Variants in RIMS2 observed in about 807,000 individuals in gnomAD.
RIMS2 encodes the protein regulating synaptic membrane exocytosis protein 2.
Under a neutral mutation model 174.4 loss-of-function variants are expected in RIMS2, and 59 were observed. The ratio of observed to expected loss-of-function variants is 0.34; its 90% CI spans 0.27 to 0.42. RIMS2 has a LOEUF of 0.42. Ranked by LOEUF, RIMS2 falls within the 10% of genes least tolerant of loss-of-function variation. RIMS2 has a pLI of 1.00. For missense variants in RIMS2, 1,620 were observed against 1,666.3 expected (o/e 0.97, Z 0.48); for synonymous variants, 606 against 572.5 (o/e 1.06, Z -0.84).
intron 5 of RIMS2, 22 bp from the exon 9 acceptor site, chr8:103,912,031 G>A (rs978475626): frequency 4.6e-6 from 7 of 1,510,910 alleles, no homozygotes; most frequent in Non-Finnish European, 6.3e-6. Flanking sequence ...TATTTATTTT[G>A]TTTGTTGATG....
intron 6 of RIMS2, among the ~76,000 whole-genome samples, chr8:103,913,285 T>G (rs1228137113): frequency 6.6e-6 from 1 of 151,598 alleles, no homozygotes; most frequent in African/African-American, 2.4e-5. Flanking sequence ...GCCCAAAAAA[T>G]TTTAAATTAG....
chr8:103,826,697 T>C (rs2098793032), intron 3 of RIMS2, among the ~76,000 whole-genome samples: 1 of 149,256 alleles, frequency 6.7e-6, no homozygotes, highest in Admixed American at 6.7e-5. Context: ...AATATATATA[T>C]ATGTATATAT....
intron 3 of RIMS2, among the ~76,000 whole-genome samples, chr8:103,803,929 G>A (rs1049334891): frequency 2.0e-5 from 3 of 152,104 alleles, no homozygotes; most frequent in South Asian, 2.1e-4. Flanking sequence ...AGAAATAAAC[G>A]TGGTCCAGTG....
chr8:103,607,291 G>A (rs1432848706), intron 1 of RIMS2, among the ~76,000 whole-genome samples: 1 of 152,080 alleles, frequency 6.6e-6, no homozygotes, highest in Non-Finnish European at 1.5e-5. Flanking sequence ...GAAATTCTGG[G>A]ATGAAAATTC....
At chr8:103,954,869 G>A (rs961378066) in intron 14 of RIMS2, among the ~76,000 whole-genome samples, 1 of 151,904 alleles carries the variant, frequency 6.6e-6, no homozygotes, top group African/African-American at 2.4e-5. Context: ...TAATAAACAA[G>A]AAAATAGAGA....
Position 103,697,280 on chromosome 8 carries a change from C to A in RIMS2, c.371C>A (p.Ser124Ter). Residue 124 changes from serine (S) to a stop codon, truncating the protein, a stop_gained, in exon 2 of 24, where the codon TCA (serine) becomes TAA (stop). Coordinates refer to ENST00000504942, the Ensembl canonical transcript of RIMS2. LOFTEE classifies it high-confidence loss of function. ...TGTGCTCGTTGTGGAGGTCGAGTGTCATTACGCTCAAACAAGGTACAGAAA... is the reference window on the plus strand; with the variant it reads ...TGTGCTCGTTGTGGAGGTCGAGTGTAATTACGCTCAAACAAGGTACAGAAA... The A allele has an allele frequency of 6.2e-7, 1 of 1,612,672 alleles. No individual in the cohort carries two copies. Among genetic ancestry groups the A allele is most frequent in the South Asian group, 1.1e-5 (1 of 91,026 alleles).
chr8:103,572,133 G>T (rs957345052), intron 1 of RIMS2, among the ~76,000 whole-genome samples: 2 of 152,092 alleles, frequency 1.3e-5, no homozygotes, highest in Non-Finnish European at 2.9e-5. Flanking sequence ...CCTTCCAGTG[G>T]GTTCATGGTC....
intron 19 of RIMS2, among the ~76,000 whole-genome samples, chr8:104,076,575 TAATAGAGATATATGGA>T (rs2097296685): frequency 1.3e-5 from 2 of 152,160 alleles, no homozygotes; most frequent in Non-Finnish European, 2.9e-5. Flanking sequence ...TTGTTTACAG[TAATAGAGATATATGGA>T]CAGTTTGATA....
At chr8:104,100,013 G>C (rs1213928362) in intron 19 of RIMS2, among the ~76,000 whole-genome samples, 6 of 151,742 alleles carry the variant, frequency 4.0e-5, no homozygotes, top group Admixed American at 2.0e-4. Context: ...TAGCGACGGG[G>C]TTTGGCCATG....
chr8:103,523,270 T>G (rs563960638), intron 1 of RIMS2, among the ~76,000 whole-genome samples: 3 of 152,270 alleles, frequency 2.0e-5, no homozygotes, highest in African/African-American at 7.2e-5. Context: ...TGCAGATTCA[T>G]CATTTGATTT....
chr8:104,207,693 A>T (rs1025241570), intron 19 of RIMS2, among the ~76,000 whole-genome samples: 1 of 151,830 alleles, frequency 6.6e-6, no homozygotes, highest in Non-Finnish European at 1.5e-5. Context: ...GGCATCTGTA[A>T]CCCCAGCTAC....
At chr8:103,850,948 A>G (rs2098994483) in intron 3 of RIMS2, among the ~76,000 whole-genome samples, 2 of 152,058 alleles carry the variant, frequency 1.3e-5, no homozygotes, top group African/African-American at 4.8e-5. Context: ...GAGTGGGGAG[A>G]GCTTTTTATA....
chr8:103,904,466 G>A (rs912463413), intron 4 of RIMS2, among the ~76,000 whole-genome samples: 14 of 152,038 alleles, frequency 9.2e-5, no homozygotes, highest in Admixed American at 2.0e-4. Flanking sequence ...TTCTATGTTA[G>A]TTTGAGCCAG....
chr8:103,987,480 A>G (rs1283984416), intron 16 of RIMS2, among the ~76,000 whole-genome samples: 1 of 152,214 alleles, frequency 6.6e-6, no homozygotes, highest in Non-Finnish European at 1.5e-5. Flanking sequence ...ATACTAAACT[A>G]GAAGAGAACC....
intron 20 of RIMS2, among the ~76,000 whole-genome samples, chr8:104,245,920 T>C (rs1195966261): frequency 2.6e-5 from 4 of 152,204 alleles, no homozygotes; most frequent in East Asian, 1.9e-4. Context: ...GGGATACTTA[T>C]AGAAACAAAC....
Position 104,036,809 on chromosome 8 carries a change from G to A in RIMS2, c.3334+22194G>A, listed in dbSNP as rs773106756. On this transcript the variant is annotated intron_variant, in intron 19 of 23. Transcript: ENST00000504942. The stretch of plus-strand genomic sequence containing the variant: ...GGAGAATCGCTTGAACCCGGGAGGC[G>A]GAGCTTGCAGTGAGCCAAGATCGTG... Among the ~76,000 whole-genome samples the A allele has an allele frequency of 4.6e-5, 7 of 152,052 alleles. No individual in the cohort carries two copies. The South Asian group carries it at 1.2e-3, about 27-fold the overall frequency.
intron 3 of RIMS2, among the ~76,000 whole-genome samples, chr8:103,787,288 T>C (rs1441570952): frequency 6.6e-6 from 1 of 152,046 alleles, no homozygotes; most frequent in Admixed American, 6.5e-5. Context: ...GTTAATATTG[T>C]TATGTGTGAA....
At chr8:103,589,362 T>C (rs2094136301) in intron 1 of RIMS2, among the ~76,000 whole-genome samples, 1 of 151,530 alleles carries the variant, frequency 6.6e-6, no homozygotes, top group African/African-American at 2.4e-5. Context: ...GAAATGCAAA[T>C]GAAAACTATA....
chr8:103,662,556 C>A (rs931519315), intron 1 of RIMS2, among the ~76,000 whole-genome samples: 1 of 152,044 alleles, frequency 6.6e-6, no homozygotes, highest in African/African-American at 2.4e-5. Context: ...ACAATGAACT[C>A]AAATTATTCT....
Sources: allele counts gnomAD v4.1 joint callset (sites outside exome capture counted in the v4.1 genomes callset), GRCh38; gene constraint gnomAD v4.1.1; transcripts MANE v1.5; gene names NCBI Gene and HGNC (gene_info 2026-07-23, HGNC 2026-07-21).